GNAI3: variants seen among roughly 807,000 people sequenced by gnomAD.
The protein encoded by GNAI3 is guanine nucleotide-binding protein G(i) subunit alpha-3.
GNAI3 carries 12 observed loss-of-function variants against 41.8 expected under a neutral mutation model. The observed-to-expected ratio is 0.29, with a 90% confidence interval of 0.18 to 0.47. GNAI3 has a LOEUF of 0.47. GNAI3 is among the 20% of genes least tolerant of loss of function. GNAI3 has a pLI of 1.00. For missense variants in GNAI3, 360 were observed against 429.6 expected, an observed-to-expected ratio of 0.84 and a Z score of 1.43; for synonymous variants, 132 against 146.5, an observed-to-expected ratio of 0.90 and a Z score of 0.71.
chr1:109,556,644 C>T (rs754884267), intron 1 of GNAI3, among the ~76,000 whole-genome samples: 23 of 152,210 alleles, frequency 1.5e-4, no homozygotes, highest in Admixed American at 8.5e-4. Context: ...CTTCACTCCT[C>T]ACCCCCAAAT....
intron 7 of GNAI3, 57 bp from the exon 8 acceptor site, chr1:109,591,986 A>G: frequency 9.5e-7 from 1 of 1,047,612 alleles, no homozygotes; most frequent in Non-Finnish European, 1.4e-6. Flanking sequence ...GGTCTGACTT[A>G]GTTGAGTTCA....
chr1:109,567,813 C>T (rs1648494935), intron 1 of GNAI3, among the ~76,000 whole-genome samples: 1 of 152,122 alleles, frequency 6.6e-6, no homozygotes, highest in Non-Finnish European at 1.5e-5. Context: ...ATGTGCCAGG[C>T]ACTGTTTTAA....
chr1:109,548,654 G>A lies in GNAI3; in HGVS notation c.-67G>A. The A allele has an allele frequency of 8.8e-7, 1 of 1,136,204 alleles. No individual in the cohort carries two copies. Among genetic ancestry groups the A allele is most frequent in the Admixed American group, 1.8e-5 (1 of 55,656 alleles). The allele number at this position is 1,136,204 out of a possible 1,614,324, so 70.4% of individuals were successfully genotyped here. On this transcript the variant is annotated 5_prime_UTR_variant, in exon 1 of 9. Coordinates refer to ENST00000369851, the MANE Select transcript of GNAI3 (RefSeq NM_006496.4). ...CCGCCCAGCAATAGACGGTGCCTCA[G>A]CCTGCCGAGCCGCAGTTTCCGTGGT...
At chr1:109,560,677 A>T (rs1371708667) in intron 1 of GNAI3, among the ~76,000 whole-genome samples, 2 of 152,182 alleles carry the variant, frequency 1.3e-5, no homozygotes, top group Non-Finnish European at 2.9e-5. Context: ...CAGCCTCCTG[A>T]GTGGCTGGGA....
At chr1:109,576,330 A>G (rs747980083) in intron 3 of GNAI3, among the ~76,000 whole-genome samples, 1 of 152,090 alleles carries the variant, frequency 6.6e-6, no homozygotes, top group African/African-American at 2.4e-5. Context: ...TGGCCTCCCC[A>G]AGTGCTGGGA....
intron 6 of GNAI3, 47 bp from the exon 7 acceptor site, chr1:109,586,682 A>G: frequency 7.2e-7 from 1 of 1,391,860 alleles, no homozygotes; most frequent in Non-Finnish European, 9.9e-7. Flanking sequence ...AACTTAATCC[A>G]CTTTTACTAT....
At chr1:109,578,051 A>G (rs184156293) in intron 3 of GNAI3, among the ~76,000 whole-genome samples, 85 of 152,308 alleles carry the variant, frequency 5.6e-4, no homozygotes, top group Non-Finnish European at 1.1e-3. Context: ...ATCCCGTGAG[A>G]CCTGTGTTTA....
At chr1:109,552,019 G>T (rs1229004588) in intron 1 of GNAI3, among the ~76,000 whole-genome samples, 1 of 152,088 alleles carries the variant, frequency 6.6e-6, no homozygotes, top group South Asian at 2.1e-4. Flanking sequence ...AAAATTAGCC[G>T]GGCGTGGTGG....
At chr1:109,572,794 G>GA (rs1648642655) in intron 1 of GNAI3, among the ~76,000 whole-genome samples, 1 of 152,176 alleles carries the variant, frequency 6.6e-6, no homozygotes, top group East Asian at 1.9e-4. Flanking sequence ...GATCATATTT[G>GA]AGATGTGGAA....
intron 1 of GNAI3, among the ~76,000 whole-genome samples, chr1:109,551,200 A>G (rs1467789317): frequency 7.9e-5 from 12 of 152,252 alleles, no homozygotes; most frequent in Admixed American, 7.2e-4. Context: ...TTTTTAAAAT[A>G]TTCTTGAGCA....
At chr1:109,551,544 A>T (rs1647982704) in intron 1 of GNAI3, among the ~76,000 whole-genome samples, 1 of 152,184 alleles carries the variant, frequency 6.6e-6, no homozygotes. Flanking sequence ...TTAAATCCTA[A>T]TTCCCATTTA....
rs1191704306 is a variant in GNAI3, at chr1:109,599,513, A to G, written c.*7191A>G. The G allele has an allele frequency of 6.6e-6, 1 of 152,210 alleles. No homozygotes were observed. The highest frequency in any genetic ancestry group is 1.5e-5 in the Non-Finnish European group (1 of 68,060). 9.4% of individuals were successfully genotyped at this position (152,210 alleles called of 1,614,324 possible). On this transcript the variant is annotated 3_prime_UTR_variant, in exon 9 of 9. Coordinates refer to ENST00000369851, the MANE Select transcript of GNAI3 (RefSeq NM_006496.4). ...TAGTATTTGTCCTTTTGTGTCAATC[A>G]TATTGTATTTTTGTCTAAAAAAGGA...
Position 109,594,568 on chromosome 1 carries a change from T to C in GNAI3, c.*2246T>C, listed in dbSNP as rs997827028. 4 of 151,988 alleles carry C rather than the reference T, an allele frequency of 2.6e-5. No individual in the cohort carries two copies. The highest frequency in any genetic ancestry group is 6.6e-5 in the Admixed American group (1 of 15,262). The allele number at this position is 151,988 out of a possible 1,614,324, so 9.4% of individuals were successfully genotyped here. ...GACACAGGGAGACAATTTAAGTCAG[T>C]AGTTTTTAATATGACTTAAGTAAAA... On this transcript the variant is annotated 3_prime_UTR_variant, in exon 9 of 9. Transcript: ENST00000369851.
intron 1 of GNAI3, among the ~76,000 whole-genome samples, chr1:109,565,779 T>C (rs1648439258): frequency 6.6e-6 from 1 of 152,118 alleles, no homozygotes; most frequent in South Asian, 2.1e-4. Context: ...CCCGAATAAT[T>C]ACAATAATTT....
At chr1:109,575,313 C>T (rs775033086) in intron 3 of GNAI3, among the ~76,000 whole-genome samples, 1 of 151,786 alleles carries the variant, frequency 6.6e-6, no homozygotes, top group Non-Finnish European at 1.5e-5. Flanking sequence ...TTTTCTTCCT[C>T]CCTTTTCTCA....
intron 5 of GNAI3, among the ~76,000 whole-genome samples, chr1:109,583,608 G>A (rs1007388241): frequency 6.6e-6 from 1 of 151,948 alleles, no homozygotes; most frequent in East Asian, 1.9e-4. Context: ...TTGAGATGGA[G>A]TCTTGCTCTG....
chr1:109,552,636 T>A (rs1351725626), intron 1 of GNAI3, among the ~76,000 whole-genome samples: 1 of 152,202 alleles, frequency 6.6e-6, no homozygotes, highest in African/African-American at 2.4e-5. Context: ...TATACCAATT[T>A]AATATTTAAT....
At chr1:109,569,629 G>A (rs1442619587) in intron 1 of GNAI3, among the ~76,000 whole-genome samples, 2 of 152,124 alleles carry the variant, frequency 1.3e-5, no homozygotes, top group Non-Finnish European at 2.9e-5. Context: ...AAGGGTTATA[G>A]AAAGTGTTTC....
At chr1:109,580,047 A>G (rs1381382060) in intron 4 of GNAI3, among the ~76,000 whole-genome samples, 1 of 152,096 alleles carries the variant, frequency 6.6e-6, no homozygotes, top group African/African-American at 2.4e-5. Context: ...TGTCGCCCAG[A>G]CTGGAGTGCA....
Sources: allele counts gnomAD v4.1 joint callset (sites outside exome capture counted in the v4.1 genomes callset), GRCh38; gene constraint gnomAD v4.1.1; transcripts MANE v1.5; gene names NCBI Gene and HGNC (gene_info 2026-07-23, HGNC 2026-07-21).